GNAQ: variants seen among roughly 807,000 people sequenced by gnomAD.
GNAQ encodes the protein guanine nucleotide-binding protein G(q) subunit alpha.
A neutral mutation model predicts 43.9 loss-of-function variants in GNAQ; 8 were observed. The observed-to-expected ratio is 0.18, with a 90% CI of 0.11 to 0.33. The LOEUF is 0.33. GNAQ is among the 10% of genes least tolerant of loss of function. The pLI is 1.00. For missense variants in GNAQ, 158 were observed against 450.8 expected (o/e 0.35, Z 5.88); for synonymous variants, 155 against 170.7 (o/e 0.91, Z 0.71).
intron 5 of GNAQ, among the ~76,000 whole-genome samples, chr9:77,793,420 T>A (rs1826608055): frequency 6.6e-6 from 1 of 152,050 alleles, no homozygotes; most frequent in African/African-American, 2.4e-5. Flanking sequence ...ATCCTATACA[T>A]AAAAGAAATA....
intron 3 of GNAQ, among the ~76,000 whole-genome samples, chr9:77,804,577 AGT>A (rs1224727386): frequency 6.6e-6 from 1 of 152,206 alleles, no homozygotes; most frequent in Non-Finnish European, 1.5e-5. Context: ...AAAGGCAAAA[AGT>A]ACCTGTGGAT....
intron 5 of GNAQ, among the ~76,000 whole-genome samples, chr9:77,769,651 A>G (rs188375122): frequency 6.6e-6 from 1 of 151,938 alleles, no homozygotes; most frequent in East Asian, 1.9e-4. Flanking sequence ...TTTAGTAGAA[A>G]AAGACAAGAA....
intron 1 of GNAQ, among the ~76,000 whole-genome samples, chr9:77,954,803 G>A (rs1027225834): frequency 2.6e-5 from 4 of 152,230 alleles, no homozygotes; most frequent in Admixed American, 6.5e-5. Context: ...ATCTTGCAAC[G>A]GCGCTATTAA....
At chr9:77,836,531 A>C (rs1827389092) in intron 2 of GNAQ, among the ~76,000 whole-genome samples, 1 of 152,190 alleles carries the variant, frequency 6.6e-6, no homozygotes, top group Non-Finnish European at 1.5e-5. Flanking sequence ...AGGGAAGAAA[A>C]ATCTTATTGC....
rs369796989 is a variant in GNAQ at position 77,721,303 on chromosome 9, C to T, written c.*20G>A. ...AATAGCCCACCAGGGAAGGGCAGGG[C>T]GGGTGTCTAGGAGGCACAATTAGAC... On this transcript the variant is annotated 3_prime_UTR_variant, in exon 7 of 7. Transcript: ENST00000286548. 18 of 1,539,796 alleles carry T rather than the reference C, an allele frequency of 1.2e-5. No homozygotes were observed. The highest frequency in any genetic ancestry group is 6.9e-5 in the African/African-American group (5 of 72,646).
chr9:77,878,073 A>C (rs1564138563), intron 2 of GNAQ, among the ~76,000 whole-genome samples: 1 of 152,254 alleles, frequency 6.6e-6, no homozygotes, highest in East Asian at 1.9e-4. Flanking sequence ...TTCTGCTGGC[A>C]ACTGGCAGAG....
At chr9:77,852,807 T>C (rs755230595) in intron 2 of GNAQ, among the ~76,000 whole-genome samples, 16 of 152,220 alleles carry the variant, frequency 1.1e-4, no homozygotes, top group Non-Finnish European at 1.8e-4. Flanking sequence ...TTATTTATAA[T>C]TATACTGTCT....
chr9:77,732,073 C>T (rs772740022), intron 5 of GNAQ, among the ~76,000 whole-genome samples: 4 of 152,192 alleles, frequency 2.6e-5, no homozygotes, highest in South Asian at 4.2e-4. Flanking sequence ...GGTAGTGGAA[C>T]GTGCAGAGTG....
chr9:77,985,406 G>C (rs893770327), intron 1 of GNAQ, among the ~76,000 whole-genome samples: 1 of 152,120 alleles, frequency 6.6e-6, no homozygotes, highest in Non-Finnish European at 1.5e-5. Context: ...TATAATGGAG[G>C]AGACTGAAGA....
At chr9:77,799,817 G>A (rs1302674131) in intron 3 of GNAQ, among the ~76,000 whole-genome samples, 1 of 152,204 alleles carries the variant, frequency 6.6e-6, no homozygotes, top group Non-Finnish European at 1.5e-5. Flanking sequence ...CTGATACATT[G>A]ATGATTCTCT....
chr9:77,957,824 A>G (rs1823061278), intron 1 of GNAQ, among the ~76,000 whole-genome samples: 1 of 152,182 alleles, frequency 6.6e-6, no homozygotes, highest in African/African-American at 2.4e-5. Flanking sequence ...GGGAGAGGGC[A>G]GGATATGTTT....
chr9:77,999,773 A>C (rs1823620648), intron 1 of GNAQ, among the ~76,000 whole-genome samples: 1 of 152,242 alleles, frequency 6.6e-6, no homozygotes, highest in Non-Finnish European at 1.5e-5. Flanking sequence ...AGCCAACACT[A>C]AAATCAAATT....
intron 3 of GNAQ, among the ~76,000 whole-genome samples, chr9:77,809,166 T>C (rs1043365098): frequency 6.6e-6 from 1 of 152,218 alleles, no homozygotes; most frequent in Non-Finnish European, 1.5e-5. Context: ...TGTTGACTTA[T>C]GCCAAAAAGC....
chr9:78,009,495 T>C (rs1455133325), intron 1 of GNAQ, among the ~76,000 whole-genome samples: 1 of 152,218 alleles, frequency 6.6e-6, no homozygotes, highest in Admixed American at 6.5e-5. Flanking sequence ...TAGCCTATTA[T>C]TGGCTTCATG....
intron 1 of GNAQ, among the ~76,000 whole-genome samples, chr9:77,970,137 T>C (rs1357560709): frequency 6.6e-6 from 1 of 151,796 alleles, no homozygotes; most frequent in African/African-American, 2.4e-5. Flanking sequence ...AAGAATCGCT[T>C]GAACCCGGGA....
At chr9:77,984,377 C>A (rs1823407993) in intron 1 of GNAQ, among the ~76,000 whole-genome samples, 1 of 151,964 alleles carries the variant, frequency 6.6e-6, no homozygotes, top group Non-Finnish European at 1.5e-5. Context: ...CCATGTTGCC[C>A]AGGCTGGTCT....
At chr9:77,726,535 T>C (rs984062660) in intron 6 of GNAQ, among the ~76,000 whole-genome samples, 1 of 152,238 alleles carries the variant, frequency 6.6e-6, no homozygotes, top group East Asian at 1.9e-4. Context: ...TGTATCATCA[T>C]AGAAAGCTAT....
intron 2 of GNAQ, among the ~76,000 whole-genome samples, chr9:77,876,648 C>T (rs144815133): frequency 7.9e-5 from 12 of 152,304 alleles, no homozygotes; most frequent in Non-Finnish European, 1.8e-4. Flanking sequence ...AGGCATTATG[C>T]TAAGCACTGG....
At chr9:77,997,155 G>C (rs1449291511) in intron 1 of GNAQ, among the ~76,000 whole-genome samples, 1 of 152,214 alleles carries the variant, frequency 6.6e-6, no homozygotes, top group Non-Finnish European at 1.5e-5. Context: ...CATGCCCATA[G>C]CTTTAGCCAT....
Sources: allele counts gnomAD v4.1 joint callset (sites outside exome capture counted in the v4.1 genomes callset), GRCh38; gene constraint gnomAD v4.1.1; transcripts MANE v1.5; gene names NCBI Gene and HGNC (gene_info 2026-07-23, HGNC 2026-07-21).